PIEZO1: variants seen among roughly 807,000 people sequenced by gnomAD.
PIEZO1 encodes the protein piezo-type mechanosensitive ion channel component 1.
Under a neutral mutation model 297.2 loss-of-function variants are expected in PIEZO1, and 296 were observed. The ratio of observed to expected loss-of-function variants is 1.00; its 90% confidence interval spans 0.91 to 1.10. The LOEUF (loss-of-function observed/expected upper bound fraction) is 1.10. Among genes scored for constraint, PIEZO1 ranks in the 50% least tolerant of loss-of-function variants. The pLI is 0.00. For missense variants in PIEZO1, 5,018 were observed against 3,455.5 expected (o/e 1.45, Z -11.34); for synonymous variants, 2,427 against 1,507.5 (o/e 1.61, Z -14.13).
chr16:88,784,233 C>T (rs1002326913), intron 1 of PIEZO1, among the ~76,000 whole-genome samples: 12 of 152,246 alleles, frequency 7.9e-5, no homozygotes, highest in African/African-American at 2.7e-4. Context: ...GTCCCCTCCC[C>T]CAGACCAGGG....
intron 10 of PIEZO1, 45 bp downstream of exon 10, chr16:88,737,512 GCC>G: frequency 7.5e-7 from 1 of 1,338,136 alleles, no homozygotes; most frequent in Non-Finnish European, 1.0e-6. Flanking sequence ...ACCGGCCTCC[GCC>G]CCGCCCCCCG....
chr16:88,744,908 C>G (rs1260566855), intron 2 of PIEZO1, among the ~76,000 whole-genome samples: 1 of 151,968 alleles, frequency 6.6e-6, no homozygotes, highest in South Asian at 2.1e-4. Context: ...GCAGAGGGAT[C>G]GAGGCTCTGC....
intron 1 of PIEZO1, among the ~76,000 whole-genome samples, 156 bp from the exon 2 acceptor site, chr16:88,749,635 C>T (rs1769038796): frequency 6.6e-6 from 1 of 152,256 alleles, no homozygotes; most frequent in South Asian, 2.1e-4. Flanking sequence ...CCTCGCGCTT[C>T]CGTACATATC....
chr16:88,738,429 G>C lies in PIEZO1; in HGVS notation c.646C>G (p.Pro216Ala). ...TLLALAGIAH[P>A]SALSSVYLLL... Reference sequence around the variant, plus strand: ...AGGTAGACACTGGAGAGGGCCGAGGGGTGGGCGATGCCTGCGGGGCAGGGG... The same window carrying C: ...AGGTAGACACTGGAGAGGGCCGAGGCGTGGGCGATGCCTGCGGGGCAGGGG... The change falls in exon 7 of 51, where the codon CCC (proline) becomes GCC (alanine). Residue 216 changes from proline (P) to alanine (A), a missense_variant. Coordinates refer to ENST00000301015, the MANE Select transcript of PIEZO1 (RefSeq NM_001142864.4). 6.5e-7 allele frequency: 1 copy of C among 1,535,764 alleles called. No homozygotes were observed. The highest frequency in any genetic ancestry group is 8.7e-7 in the Non-Finnish European group (1 of 1,146,788).
At chr16:88,722,156 C>G (rs1904284046) in intron 36 of PIEZO1, 62 bp downstream of exon 36, 2 of 1,523,162 alleles carry the variant, frequency 1.3e-6, no homozygotes, top group African/African-American at 1.4e-5. Flanking sequence ...AGTCTCCTGC[C>G]CCTGTTCGGC....
At position 88,733,375 on chromosome 16, in the gene PIEZO1, CAGG is replaced by C; in HGVS notation, c.2564_2566del (p.Ser855del). On this transcript the variant is annotated inframe_deletion, in exon 19 of 51. Transcript: ENST00000301015. ...GACGCAGGTCCACACGGTGGACAGG[CAGG>C]AGGCCATGGGCCGGAAGCGTGGGTA... is the stretch of plus-strand genomic sequence containing the variant. 6.5e-7 allele frequency: 1 copy of C among 1,550,196 alleles called. No homozygotes were observed. The highest frequency in any genetic ancestry group is 1.2e-5 in the South Asian group (1 of 84,062).
At chr16:88,727,319 TGGGTGAGTGGCC>T in intron 23 of PIEZO1, 127 bp from the exon 24 acceptor site, 1 of 1,114,402 alleles carries the variant, frequency 9.0e-7, no homozygotes, top group Non-Finnish European at 1.2e-6. Flanking sequence ...CACGTCTGCC[TGGGTGAGTGGCC>T]GGGTGTCCCT....
rs1291929071 is a variant in PIEZO1, at chr16:88,727,190, C to T, written c.3304G>A (p.Asp1102Asn). 11 of 1,538,524 alleles carry T rather than the reference C, an allele frequency of 7.1e-6. No individual in the cohort carries two copies. The highest frequency in any genetic ancestry group is 4.1e-5 in the African/African-American group (3 of 72,800). ...RAPNSTNLIS[D>N]FLLLLCASQQ... ...GAGGCGCACAGCAGCAGGAGAAAGTCGCCTGCAGGACACAGGAGCCGCCGC... is the reference window on the plus strand; with the variant it reads ...GAGGCGCACAGCAGCAGGAGAAAGTTGCCTGCAGGACACAGGAGCCGCCGC... The change falls in exon 24 of 51, where the codon GAC (aspartate) becomes AAC (asparagine). Residue 1102 changes from aspartate to asparagine, a missense_variant and splice_region_variant. By Grantham distance (23) the Asp-to-Asn change is conservative. Transcript: ENST00000301015.
At position 88,726,715 on chromosome 16, in the gene PIEZO1, C is replaced by T. The variant is rs756007857; in HGVS notation, c.3699G>A (p.Ser1233=). Residue 1233 remains serine, a splice_region_variant and synonymous_variant, in exon 25 of 51, where the codon TCG becomes TCA. Transcript: ENST00000301015. ...VTVIISKNML[S]LLACVFVEQM... ...GGGTGCGGGGGGGCCGGAGGCTCAC[C>T]GACAGCATGTTCTTGGAGATGATGA... The T allele has an allele frequency of 9.0e-6, 14 of 1,549,114 alleles. No homozygotes were observed. Among genetic ancestry groups the T allele is most frequent in the East Asian group, 2.4e-5 (1 of 40,914 alleles).
rs974273148 is a variant in PIEZO1 at position 88,769,821 on chromosome 16, T to C, written c.64+15080A>G. ...GTGGGCGGGGCCAGGACGAGCCTCA[T>C]GTCACCTCTGCTAGCTCAGAGCTGG... On this transcript the variant is annotated intron_variant, in intron 1 of 50. Coordinates refer to ENST00000301015, the MANE Select transcript of PIEZO1 (RefSeq NM_001142864.4). 7.9e-5 allele frequency among the ~76,000 whole-genome samples: 12 copies of C among 152,306 alleles called. No individual in the cohort carries two copies. In the South Asian group the frequency reaches 8.3e-4, roughly 11 times the overall value.
At position 88,784,925 on chromosome 16, in the gene PIEZO1, G is replaced by A. The variant is rs1426601342; in HGVS notation, c.40C>T (p.Leu14=). The A allele has an allele frequency of 2.1e-6, 3 of 1,436,640 alleles. No individual in the cohort carries two copies. The highest frequency in any genetic ancestry group is 2.6e-5 in the South Asian group (2 of 76,952). 89.0% of individuals were successfully genotyped at this position (1,436,640 alleles called of 1,614,324 possible). ...HVLGAVLYWL[L]LPCALLAACL... is the part of the protein sequence containing the mutation. ...CCAGCCAGCAGCGCGCAGGGCAGCA[G>A]CAGCCAGTACAGGACCGCGCCGAGC... The change falls in exon 1 of 51, where the codon CTG becomes TTG. Residue 14 remains leucine, a synonymous_variant. Transcript: ENST00000301015.
In PIEZO1 at chr16:88,723,344, C is replaced by T. The variant is rs947748847; in HGVS notation, c.4336-16G>A. On this transcript the variant is annotated splice_polypyrimidine_tract_variant and intron_variant, in intron 31 of 50. Transcript: ENST00000301015. Reference sequence around the variant, plus strand: ...GGTACGCCAGCTGTCGGCCAGCCCCCGGGTTAGGACCCGGCCTCCCGAGCC... The same window carrying T: ...GGTACGCCAGCTGTCGGCCAGCCCCTGGGTTAGGACCCGGCCTCCCGAGCC... 9.1e-6 allele frequency: 14 copies of T among 1,536,226 alleles called. No homozygotes were observed. The highest frequency in any genetic ancestry group is 4.9e-5 in the East Asian group (2 of 40,906).
intron 1 of PIEZO1, among the ~76,000 whole-genome samples, chr16:88,751,950 C>T (rs992499160): frequency 5.3e-5 from 8 of 152,192 alleles, no homozygotes; most frequent in Non-Finnish European, 8.8e-5. Flanking sequence ...GTTCGAAGCC[C>T]GTGGCAGGGC....
chr16:88,717,845 C>G (rs1015223014), intron 44 of PIEZO1: 2 of 437,752 alleles, frequency 4.6e-6, no homozygotes, highest in Non-Finnish European at 9.0e-6. Context: ...TAAAAAACAA[C>G]CCAACTGCTG....
rs775275185 is a variant in PIEZO1 at position 88,731,886 on chromosome 16, C to T, written c.3016G>A (p.Val1006Met). The T allele has an allele frequency of 5.4e-5, 32 of 594,902 alleles. No individual in the cohort carries two copies. The highest frequency in any genetic ancestry group is 7.3e-4 in the Middle Eastern group (2 of 2,744). 36.9% of individuals were successfully genotyped at this position (594,902 alleles called of 1,614,324 possible). Reference sequence around the variant, plus strand: ...AGAAAGTTCATGCGCTGCCCGATCACGTTCACGGCCATCAGGAAGCAGATC... The same window carrying T: ...AGAAAGTTCATGCGCTGCCCGATCATGTTCACGGCCATCAGGAAGCAGATC... ...LEICFLMAVN[V>M]IGQRMNFLVT... is the part of the protein sequence containing the mutation. The change falls in exon 22 of 51, where the codon GTG (valine) becomes ATG (methionine). Residue 1006 changes from valine (V) to methionine (M), a missense_variant. Transcript: ENST00000301015.
chr16:88,725,446 G>C lies in PIEZO1; in HGVS notation c.4132C>G (p.Leu1378Val), dbSNP rs755100206. ...RVDRSRPQDT[L>V]GPKDPGLEPG... is the part of the protein sequence containing the mutation. ...TCCAGGCCGGGGTCCTTGGGGCCCA[G>C]GGTGTCCTGGGGGCGACTGCGGTCC... The change falls in exon 29 of 51, where the codon CTG becomes GTG. Residue 1378 changes from leucine to valine, a missense_variant. Physicochemically the swap from Leu to Val is conservative, Grantham distance 32 (BLOSUM62 1). Coordinates refer to ENST00000301015, the MANE Select transcript of PIEZO1 (RefSeq NM_001142864.4). 40 of 1,484,724 alleles carry C rather than the reference G, an allele frequency of 2.7e-5. No individual in the cohort carries two copies. Among genetic ancestry groups the C allele is most frequent in the South Asian group, 2.7e-4 (20 of 74,286 alleles). 92.0% of individuals were successfully genotyped at this position (1,484,724 alleles called of 1,614,324 possible).
chr16:88,720,802 ATGGCTCC>A, intron 39 of PIEZO1, 54 bp from the exon 40 acceptor site: 1 of 1,446,420 alleles, frequency 6.9e-7, no homozygotes, highest in Non-Finnish European at 9.1e-7. Context: ...GGCCTGGCTC[ATGGCTCC>A]TGACCACCCT....
In PIEZO1 at chr16:88,721,666, C is replaced by A. The variant is rs1390853628; in HGVS notation, c.5275G>T (p.Val1759Leu). The change falls in exon 38 of 51, where the codon GTG (valine) becomes TTG (leucine). Residue 1759 changes from valine (V) to leucine (L), a missense_variant. Coordinates refer to ENST00000301015, the MANE Select transcript of PIEZO1 (RefSeq NM_001142864.4). ...FGFFPWNSHV[V>L]LRRYENKPYF... ...GGCTTGTTCTCGTAGCGCCGCAGCA[C>A]CACGTGGCTGTTCCAGGGGAAGAAC... 6.5e-7 allele frequency: 1 copy of A among 1,550,006 alleles called. No individual in the cohort carries two copies. Among genetic ancestry groups the A allele is most frequent in the Non-Finnish European group, 8.7e-7 (1 of 1,146,826 alleles).
At chr16:88,733,494 C>A in intron 18 of PIEZO1, 40 bp from the exon 19 acceptor site, 1 of 1,535,306 alleles carries the variant, frequency 6.5e-7, no homozygotes, top group Non-Finnish European at 8.8e-7. Flanking sequence ...TTGGGGAGGG[C>A]AGTGGGCACG....
Sources: allele counts gnomAD v4.1 joint callset (sites outside exome capture counted in the v4.1 genomes callset), GRCh38; gene constraint gnomAD v4.1.1; transcripts MANE v1.5; gene names NCBI Gene and HGNC (gene_info 2026-07-23, HGNC 2026-07-21).